RAB28: variants seen among roughly 807,000 people sequenced by gnomAD.
The protein encoded by RAB28 is ras-related protein Rab-28.
A neutral mutation model predicts 31.7 loss-of-function variants in RAB28; 24 were observed. That is an observed-to-expected ratio of 0.76 (90% CI 0.55 to 1.06). The LOEUF is 1.06. Among genes scored for constraint, RAB28 ranks in the 50% least tolerant of loss-of-function variants. The probability of loss-of-function intolerance (pLI) is 0.00; values close to 1 mark genes in which losing one functional copy is unlikely to be tolerated. For missense variants in RAB28, 254 were observed against 258.5 expected (o/e 0.98, Z 0.12); for synonymous variants, 100 against 90.4 (o/e 1.11, Z -0.60).
intron 4 of RAB28, among the ~76,000 whole-genome samples, chr4:13,421,135 T>C (rs948602357): frequency 6.6e-6 from 1 of 152,178 alleles, no homozygotes; most frequent in African/African-American, 2.4e-5. Context: ...AGCCAAATCA[T>C]GAGTGAACTC....
chr4:13,442,507 T>C (rs1464481443), intron 4 of RAB28, among the ~76,000 whole-genome samples: 1 of 151,936 alleles, frequency 6.6e-6, no homozygotes, highest in Non-Finnish European at 1.5e-5. Flanking sequence ...TTCTAAACTA[T>C]AATTTAAATG....
chr4:13,396,278 C>G (rs187382946), intron 4 of RAB28, among the ~76,000 whole-genome samples: 227 of 152,056 alleles, frequency 1.5e-3, no homozygotes, highest in African/African-American at 5.3e-3. Flanking sequence ...TCAATTCAAA[C>G]AAACGACTTG....
chr4:13,444,123 G>T (rs1714568439), intron 4 of RAB28, among the ~76,000 whole-genome samples: 1 of 151,722 alleles, frequency 6.6e-6, no homozygotes, highest in Non-Finnish European at 1.5e-5. Context: ...CGCCTCCCGG[G>T]TTCACGCCAT....
chr4:13,377,258 G>C (rs972401661), intron 5 of RAB28, among the ~76,000 whole-genome samples: 1 of 152,058 alleles, frequency 6.6e-6, no homozygotes, highest in African/African-American at 2.4e-5. Flanking sequence ...GCTTATGTCA[G>C]GTCTGCTGTA....
chr4:13,416,359 T>A (rs1712778772), intron 4 of RAB28, among the ~76,000 whole-genome samples: 1 of 152,142 alleles, frequency 6.6e-6, no homozygotes, highest in Non-Finnish European at 1.5e-5. Context: ...AAACTCCGAA[T>A]ATATCCAAAC....
At chr4:13,452,554 T>C (rs979450305) in intron 4 of RAB28, among the ~76,000 whole-genome samples, 4 of 152,108 alleles carry the variant, frequency 2.6e-5, no homozygotes, top group African/African-American at 9.7e-5. Flanking sequence ...ATTGTTCAAT[T>C]TCCATTTATT....
chr4:13,410,819 G>A (rs1320122381), intron 4 of RAB28, among the ~76,000 whole-genome samples: 4 of 152,020 alleles, frequency 2.6e-5, no homozygotes, highest in African/African-American at 9.7e-5. Flanking sequence ...AAAGTCTTTA[G>A]AACTTAAAGG....
Position 13,367,802 on chromosome 4 carries a change from C to A in RAB28, c.*756G>T, listed in dbSNP as rs10031710. ...CTGATCCACAATGTCATAACTCATT[C>A]TCGGGAGTACTCTTATGCAGTTTGC... On this transcript the variant is annotated 3_prime_UTR_variant, in exon 7 of 7. Transcript: ENST00000330852. The A allele has an allele frequency of 1.0e-6, 1 of 984,778 alleles. No individual in the cohort carries two copies. The highest frequency in any genetic ancestry group is 1.7e-5 in the African/African-American group (1 of 57,180). The allele number at this position is 984,778 out of a possible 1,614,324, so 61.0% of individuals were successfully genotyped here.
chr4:13,383,632 A>G (rs951773394), intron 4 of RAB28, among the ~76,000 whole-genome samples: 1 of 152,180 alleles, frequency 6.6e-6, no homozygotes, highest in African/African-American at 2.4e-5. Flanking sequence ...TGTAGCTCCC[A>G]TAATCCTCAC....
intron 4 of RAB28, among the ~76,000 whole-genome samples, chr4:13,441,572 T>C (rs1471641348): frequency 6.6e-6 from 1 of 152,190 alleles, no homozygotes; most frequent in African/African-American, 2.4e-5. Flanking sequence ...GCTTCCAGGC[T>C]TCCCTCAAGT....
At chr4:13,426,976 T>A (rs1238876133) in intron 4 of RAB28, among the ~76,000 whole-genome samples, 3 of 152,190 alleles carry the variant, frequency 2.0e-5, no homozygotes, top group Non-Finnish European at 4.4e-5. Flanking sequence ...GGGTTATTAA[T>A]CATCATTAAC....
rs1728587740 is a variant in RAB28 at position 13,368,331 on chromosome 4, A to G, written c.*227T>C. 1 of 1,183,678 alleles carries G rather than the reference A, an allele frequency of 8.4e-7. No homozygotes were observed. Among genetic ancestry groups the G allele is most frequent in the Non-Finnish European group, 1.0e-6 (1 of 957,352 alleles). 73.3% of individuals were successfully genotyped at this position (1,183,678 alleles called of 1,614,324 possible). ...GCAATGAAGCAGTCTAATTCCAGGG[A>G]ATGGGTTTTCCATTTTGAATTCAAA... On this transcript the variant is annotated 3_prime_UTR_variant, in exon 7 of 7. Coordinates refer to ENST00000330852, the MANE Select transcript of RAB28 (RefSeq NM_001017979.3).
At chr4:13,369,141 T>C (rs1461885324) in intron 6 of RAB28, among the ~76,000 whole-genome samples, 1 of 152,108 alleles carries the variant, frequency 6.6e-6, no homozygotes, top group Non-Finnish European at 1.5e-5. Context: ...TAAAGAGGAT[T>C]CACATATAAA....
intron 4 of RAB28, among the ~76,000 whole-genome samples, chr4:13,429,639 A>C (rs1470250193): frequency 6.6e-6 from 1 of 152,198 alleles, no homozygotes; most frequent in African/African-American, 2.4e-5. Context: ...TTTAAAACTA[A>C]ATGAATAGAA....
chr4:13,484,276 C>T lies in RAB28; in HGVS notation c.-126G>A, dbSNP rs1040321993. The T allele has an allele frequency of 9.8e-6, 7 of 711,636 alleles. No homozygotes were observed. The highest frequency in any genetic ancestry group is 2.2e-5 in the Admixed American group (1 of 46,128). 44.1% of individuals were successfully genotyped at this position (711,636 alleles called of 1,614,324 possible). A position where few individuals can be genotyped will look rare whatever the true frequency, so the allele number is the denominator to read the frequency against. ...GACCCCCGCCCCGGTGTCTCCGCGC[C>T]GGCAGGAGGTATTCGAGGAGAATCA... On this transcript the variant is annotated 5_prime_UTR_variant, in exon 1 of 7. Coordinates refer to ENST00000330852, the MANE Select transcript of RAB28 (RefSeq NM_001017979.3).
In RAB28 at chr4:13,377,875, A is replaced by T. The variant is rs1161087068; in HGVS notation, c.496-1253T>A. ...TTTGGTGACAGATGTGGGGTGTGAGAGAAAAAGAGGAGTCAAGAAAGGCTC... is the reference window on the plus strand; with the variant it reads ...TTTGGTGACAGATGTGGGGTGTGAGTGAAAAAGAGGAGTCAAGAAAGGCTC... On this transcript the variant is annotated intron_variant, in intron 5 of 6. Coordinates refer to ENST00000330852, the MANE Select transcript of RAB28 (RefSeq NM_001017979.3). 3.9e-5 allele frequency among the ~76,000 whole-genome samples: 6 copies of T among 152,204 alleles called. 1 individual carries two copies. Among genetic ancestry groups the T allele is most frequent in the African/African-American group, 1.4e-4 (6 of 41,460 alleles).
intron 4 of RAB28, among the ~76,000 whole-genome samples, chr4:13,402,661 TCTTG>T (rs1237629313): frequency 6.6e-6 from 1 of 152,146 alleles, no homozygotes; most frequent in Non-Finnish European, 1.5e-5. Flanking sequence ...AGTAGTCGGG[TCTTG>T]CTTTTCTATC....
At chr4:13,477,333 C>G (rs139889591) in intron 2 of RAB28, among the ~76,000 whole-genome samples, 450 of 151,366 alleles carry the variant, frequency 3.0e-3, no homozygotes, top group African/African-American at 9.0e-3. Context: ...AGGTTTACAC[C>G]CCTAACAATC....
At chr4:13,377,033 C>T (rs1280852568) in intron 5 of RAB28, among the ~76,000 whole-genome samples, 1 of 152,200 alleles carries the variant, frequency 6.6e-6, no homozygotes, top group East Asian at 1.9e-4. Context: ...TTTTAGCCAC[C>T]TTTGGCCTAT....
Sources: gnomAD v4.1 joint callset for allele counts (sites outside exome capture counted in the v4.1 genomes callset) on GRCh38, gnomAD v4.1.1 for gene constraint, MANE v1.5 for transcripts, NCBI Gene and HGNC (gene_info 2026-07-23, HGNC 2026-07-21) for gene names.